The following SZT2 variants were observed in gnomAD, a reference collection of about 807,000 sequenced individuals.
SZT2 encodes the protein KICSTOR complex protein SZT2.
Under a neutral mutation model 404.2 loss-of-function variants are expected in SZT2, and 216 were observed. The ratio of observed to expected loss-of-function variants is 0.53; its 90% confidence interval spans 0.48 to 0.60. The LOEUF (loss-of-function observed/expected upper bound fraction) is 0.60. Among genes scored for constraint, SZT2 ranks in the 20% least tolerant of loss-of-function variants. The pLI is 0.00. For missense variants in SZT2, 3,857 were observed against 4,459.2 expected, an observed-to-expected ratio of 0.86 and a Z score of 3.85; for synonymous variants, 1,693 against 1,749.9, an observed-to-expected ratio of 0.97 and a Z score of 0.81.
At position 43,430,766 on chromosome 1, in the gene SZT2, T is replaced by A; in HGVS notation, c.4751T>A (p.Val1584Glu). ...RLRGQHSSVP[V>E]CSLPTCLGQV... ...CGTGGGCAGCACAGCTCAGTACCTG[T>A]GTGCAGCCTGCCTACCTGCCTGGGT... The change falls in exon 32 of 72, where the codon GTG (valine) becomes GAG (glutamate). Residue 1584 changes from valine to glutamate, a missense_variant. Around this residue, in one of 7 missense-constraint regions of SZT2, gnomAD observed 1,725 missense variants for 1,881.0 expected, o/e 0.92. Transcript: ENST00000634258. The A allele has an allele frequency of 1.2e-6, 2 of 1,610,258 alleles. No homozygotes were observed. Among genetic ancestry groups the A allele is most frequent in the Non-Finnish European group, 1.7e-6 (2 of 1,178,496 alleles).
At chr1:43,444,278 G>T (rs1375043184) in intron 62 of SZT2, among the ~76,000 whole-genome samples, 2 of 151,926 alleles carry the variant, frequency 1.3e-5, no homozygotes, top group African/African-American at 4.8e-5. Flanking sequence ...TTGTATTTTA[G>T]TAGAGATGGG....
rs924217231 is a variant in SZT2 at position 43,425,598 on chromosome 1, T to C, written c.2770T>C (p.Trp924Arg). 1.2e-6 allele frequency: 2 copies of C among 1,614,198 alleles called. No individual in the cohort carries two copies. The highest frequency in any genetic ancestry group is 3.3e-5 in the Admixed American group (2 of 60,026). The change falls in exon 19 of 72, where the codon TGG (tryptophan) becomes CGG (arginine). Residue 924 changes from tryptophan to arginine, a missense_variant. Trp to Arg is a moderately radical substitution (Grantham distance 101). Transcript: ENST00000634258. This position sits in a 1 kb window ranked among gnomAD's most constrained non-coding sequence, Gnocchi z 4.3. ...GCGAGTGGGACCTGGCCCTGGAATC[T>C]GGAAGCACCTCCAGGACCTGACGTA... ...YGRVGPGPGI[W>R]KHLQDLTYSE...
At position 43,452,865 on chromosome 1, in the gene SZT2, A is replaced by G. The variant is rs1656589605; in HGVS notation, c.*2385A>G. The stretch of plus-strand genomic sequence containing the variant: ...ATCTTAGCCACATCCAGCTCCAAGC[A>G]GACATTCCAGGCCTCCCCATCCCAA... On this transcript the variant is annotated 3_prime_UTR_variant, in exon 72 of 72. Transcript: ENST00000634258. 1 of 1,567,216 alleles carries G rather than the reference A, an allele frequency of 6.4e-7. No homozygotes were observed. The highest frequency in any genetic ancestry group is 8.6e-7 in the Non-Finnish European group (1 of 1,156,586).
At position 43,453,340 on chromosome 1, in the gene SZT2, T is replaced by G; in HGVS notation, c.*2860T>G. Reference sequence around the variant, plus strand: ...GCGTCCTCGACTCCCTGAACCTGCATCAGGGTCATGGGTCACAGGGGTGGG... The same window carrying G: ...GCGTCCTCGACTCCCTGAACCTGCAGCAGGGTCATGGGTCACAGGGGTGGG... On this transcript the variant is annotated 3_prime_UTR_variant, in exon 72 of 72. Coordinates refer to ENST00000634258, the MANE Select transcript of SZT2 (RefSeq NM_001365999.1). 1 of 1,260,946 alleles carries G rather than the reference T, an allele frequency of 7.9e-7. No individual in the cohort carries two copies. The highest frequency in any genetic ancestry group is 1.1e-6 in the Non-Finnish European group (1 of 917,284). 78.1% of individuals were successfully genotyped at this position (1,260,946 alleles called of 1,614,324 possible). A position where few individuals can be genotyped will look rare whatever the true frequency, so the allele number is the denominator to read the frequency against.
chr1:43,391,207 G>A (rs1297123584), intron 1 of SZT2, among the ~76,000 whole-genome samples: 2 of 152,116 alleles, frequency 1.3e-5, no homozygotes, highest in Non-Finnish European at 2.9e-5. Flanking sequence ...TCAGCTACTC[G>A]GGAGGCTGAG....
chr1:43,428,155 C>T, intron 27 of SZT2, 37 bp downstream of exon 27: 1 of 1,611,854 alleles, frequency 6.2e-7, no homozygotes, highest in South Asian at 1.1e-5. Flanking sequence ...GAGTGGGGCC[C>T]TGCGGGAGAT....
At position 43,451,657 on chromosome 1, in the gene SZT2, G is replaced by T. The variant is rs1263647717; in HGVS notation, c.*1177G>T. 6.2e-7 allele frequency: 1 copy of T among 1,614,094 alleles called. No homozygotes were observed. Among genetic ancestry groups the T allele is most frequent in the Admixed American group, 1.7e-5 (1 of 60,016 alleles). On this transcript the variant is annotated 3_prime_UTR_variant, in exon 72 of 72. Coordinates refer to ENST00000634258, the MANE Select transcript of SZT2 (RefSeq NM_001365999.1). ...AGGAAGGTCCTCTCACCAACAATGGGCAGGAACTCCCGGATGTTTCCTGTC... is the reference window on the plus strand; with the variant it reads ...AGGAAGGTCCTCTCACCAACAATGGTCAGGAACTCCCGGATGTTTCCTGTC...
At chr1:43,409,138 A>G (rs1650703794) in intron 4 of SZT2, among the ~76,000 whole-genome samples, 1 of 152,206 alleles carries the variant, frequency 6.6e-6, no homozygotes, top group South Asian at 2.1e-4. Context: ...GCTACAGGGA[A>G]AAAGAGAAGG....
In SZT2 at chr1:43,426,612, G is replaced by T; in HGVS notation, c.3214+74G>T. ...CCCCCACCCTCACAGGGTGATTTCT[G>T]TCTTTGAGTTTTGGCTTTCCCCTTC... On this transcript the variant is annotated intron_variant, in intron 22 of 71. Transcript: ENST00000634258. The surrounding 1 kb of genome is among the most constrained non-coding windows in gnomAD (Gnocchi z 4.9). 1 of 1,514,370 alleles carries T rather than the reference G, an allele frequency of 6.6e-7. No individual in the cohort carries two copies. The allele number at this position is 1,514,370 out of a possible 1,614,324, so 93.8% of individuals were successfully genotyped here. A position where few individuals can be genotyped will look rare whatever the true frequency, so the allele number is the denominator to read the frequency against.
chr1:43,394,428 G>A (rs1046542969), intron 1 of SZT2, among the ~76,000 whole-genome samples: 1 of 152,102 alleles, frequency 6.6e-6, no homozygotes, highest in Admixed American at 6.5e-5. Flanking sequence ...GGGACTCAAC[G>A]CTGTATTTTC....
chr1:43,438,560 C>A, intron 46 of SZT2, 139 bp from the exon 47 acceptor site: 1 of 769,800 alleles, frequency 1.3e-6, no homozygotes, highest in Non-Finnish European at 2.2e-6. Context: ...GAACCTAGTG[C>A]TGGCTACCTC....
intron 62 of SZT2, 26 bp from the exon 63 acceptor site, chr1:43,445,868 C>T: frequency 6.2e-7 from 1 of 1,610,602 alleles, no homozygotes; most frequent in South Asian, 1.1e-5. Flanking sequence ...CTGCCTCATC[C>T]TCTTATCCCT....
At chr1:43,413,039 A>G (rs1651261833) in intron 4 of SZT2, among the ~76,000 whole-genome samples, 1 of 152,346 alleles carries the variant, frequency 6.6e-6, no homozygotes, top group East Asian at 1.9e-4. Flanking sequence ...AGAAAAGGTA[A>G]CGTTGTGCAC....
At position 43,420,382 on chromosome 1, in the gene SZT2, A is replaced by G. The variant is rs955189428; in HGVS notation, c.1261+59A>G. 4 of 1,479,768 alleles carry G rather than the reference A, an allele frequency of 2.7e-6. No individual in the cohort carries two copies. The highest frequency in any genetic ancestry group is 2.2e-5 in the Admixed American group (1 of 44,812). The allele number at this position is 1,479,768 out of a possible 1,614,324, so 91.7% of individuals were successfully genotyped here. Reference sequence around the variant, plus strand: ...GATCTCTCAAGAATTTGTGTGTGGGAAGACCCACATGTATCACACATGAAA... The same window carrying G: ...GATCTCTCAAGAATTTGTGTGTGGGGAGACCCACATGTATCACACATGAAA... On this transcript the variant is annotated intron_variant, in intron 9 of 71. Coordinates refer to ENST00000634258, the MANE Select transcript of SZT2 (RefSeq NM_001365999.1). This position sits in a 1 kb window ranked among gnomAD's most constrained non-coding sequence, Gnocchi z 5.1.
rs747103516 is a variant in SZT2 at position 43,438,820 on chromosome 1, C to T, written c.6627+3C>T. On this transcript the variant is annotated splice_donor_region_variant and intron_variant, in intron 47 of 71. Transcript: ENST00000634258. ...AGCTGACACCAGCTGATGTGGAGGT[C>T]AGCTCCCCTCTAGGCACCAGCATCC... The T allele has an allele frequency of 2.5e-6, 4 of 1,612,518 alleles. No individual in the cohort carries two copies. The East Asian group carries it at 8.9e-5, about 36-fold the overall frequency.
At position 43,452,585 on chromosome 1, in the gene SZT2, C is replaced by T; in HGVS notation, c.*2105C>T. On this transcript the variant is annotated 3_prime_UTR_variant, in exon 72 of 72. Transcript: ENST00000634258. ...CTTTCCTTCCCTCGGTCCTTCTCCG[C>T]AACCTGTAACCTGCTAAATTCTCAC... 1.6e-6 allele frequency: 1 copy of T among 607,586 alleles called. No homozygotes were observed. The highest frequency in any genetic ancestry group is 3.0e-6 in the Non-Finnish European group (1 of 338,018). The allele number at this position is 607,586 out of a possible 1,614,324, so 37.6% of individuals were successfully genotyped here.
chr1:43,438,447 G>C (rs1425899989), intron 46 of SZT2, among the ~76,000 whole-genome samples: 2 of 152,172 alleles, frequency 1.3e-5, no homozygotes, highest in Non-Finnish European at 2.9e-5. Context: ...AAACCTATGA[G>C]GGCGATGCTA....
chr1:43,425,724 T>C lies in SZT2; in HGVS notation c.2814+82T>C. On this transcript the variant is annotated intron_variant, in intron 19 of 71. Coordinates refer to ENST00000634258, the MANE Select transcript of SZT2 (RefSeq NM_001365999.1). The surrounding 1 kb of genome is among the most constrained non-coding windows in gnomAD (Gnocchi z 4.3). ...TTTTGGAGTACTGCAGTCTGTGGGC[T>C]TCCTGGTCCCTCTGAATGGCTGGGA... is the stretch of plus-strand genomic sequence containing the variant. The C allele has an allele frequency of 1.3e-6, 2 of 1,596,976 alleles. No homozygotes were observed. Among genetic ancestry groups the C allele is most frequent in the Non-Finnish European group, 1.7e-6 (2 of 1,169,044 alleles).
At position 43,440,542 on chromosome 1, in the gene SZT2, A is replaced by C. The variant is rs1304657459; in HGVS notation, c.7300A>C (p.Thr2434Pro). ...TGCCCCTGTCCCTGGGGAGCCTGTG[A>C]CTCCACCCAGCAAAGCGGGCCGGCG... ...PPAPVPGEPV[T>P]PPSKAGRRSF... Residue 2434 changes from threonine to proline, a missense_variant, in exon 52 of 72, where the codon ACT becomes CCT. By Grantham distance (38) the Thr-to-Pro change is conservative. This residue lies in a region of SZT2 where 573 missense variants were observed against 592.4 expected (regional missense o/e 0.97). Coordinates refer to ENST00000634258, the MANE Select transcript of SZT2 (RefSeq NM_001365999.1). 1.2e-5 allele frequency: 19 copies of C among 1,606,730 alleles called. No individual in the cohort carries two copies. The highest frequency in any genetic ancestry group is 1.3e-5 in the Non-Finnish European group (15 of 1,176,660).
Sources: allele counts gnomAD v4.1 joint callset (sites outside exome capture counted in the v4.1 genomes callset), GRCh38; gene constraint gnomAD v4.1.1; regional missense constraint gnomAD v4.1.1; non-coding constraint Gnocchi (gnomAD v3.1); transcripts MANE v1.5; gene names NCBI Gene and HGNC (gene_info 2026-07-23, HGNC 2026-07-21).